TMEM178B: variants seen among roughly 807,000 people sequenced by gnomAD.
TMEM178B encodes the protein transmembrane protein 178B.
TMEM178B carries 5 observed loss-of-function variants against 31.0 expected under a neutral mutation model. That is an observed-to-expected ratio of 0.16 (90% CI 0.08 to 0.34). TMEM178B has a LOEUF of 0.34. TMEM178B is among the 10% of genes least tolerant of loss of function. TMEM178B has a pLI of 1.00. For synonymous variants in TMEM178B, 164 were observed against 164.0 expected (o/e 1.00, Z 0.00); for missense variants, 275 against 400.3 (o/e 0.69, Z 2.67).
chr7:141,135,974 G>A (rs1433529293), intron 1 of TMEM178B, among the ~76,000 whole-genome samples: 1 of 151,528 alleles, frequency 6.6e-6, no homozygotes, highest in Admixed American at 6.6e-5. Flanking sequence ...GACTAACCAA[G>A]GAAAAGGAAG....
chr7:141,268,309 A>T (rs1013957749), intron 2 of TMEM178B, among the ~76,000 whole-genome samples: 6 of 152,236 alleles, frequency 3.9e-5, no homozygotes, highest in African/African-American at 1.4e-4. Flanking sequence ...AGAATAGTGA[A>T]ATCATTGATG....
chr7:141,120,387 T>C (rs1233801161), intron 1 of TMEM178B, among the ~76,000 whole-genome samples: 52 of 152,236 alleles, frequency 3.4e-4, no homozygotes, highest in Admixed American at 3.4e-3. Flanking sequence ...ATGCTTTTAG[T>C]AACATAATGC....
At chr7:141,169,809 T>C (rs371652769) in intron 1 of TMEM178B, among the ~76,000 whole-genome samples, 1 of 152,352 alleles carries the variant, frequency 6.6e-6, no homozygotes, top group East Asian at 1.9e-4. Context: ...TATATGCCAA[T>C]AATGTTTAGC....
At chr7:141,102,750 G>A (rs1200859831) in intron 1 of TMEM178B, among the ~76,000 whole-genome samples, 1 of 152,152 alleles carries the variant, frequency 6.6e-6, no homozygotes, top group Non-Finnish European at 1.5e-5. Flanking sequence ...CAGCTCTGTG[G>A]CTAGGTTAAT....
chr7:141,382,487 G>C (rs1189325429), intron 2 of TMEM178B, among the ~76,000 whole-genome samples: 1 of 152,172 alleles, frequency 6.6e-6, no homozygotes, highest in East Asian at 1.9e-4. Context: ...TGCACTGACT[G>C]AAACACTCAT....
chr7:141,292,852 G>A (rs1262586375), intron 2 of TMEM178B, among the ~76,000 whole-genome samples: 4 of 151,916 alleles, frequency 2.6e-5, no homozygotes, highest in Non-Finnish European at 2.9e-5. Flanking sequence ...TGGCCAGGCT[G>A]GTCTCAAACT....
At position 141,265,714 on chromosome 7, in the gene TMEM178B, T is replaced by A. The variant is rs375188823; in HGVS notation, c.496+53010T>A. ...AAGAACAAAGAAGCAGAATCAGCTT[T>A]TCCACCACCAGGTACATTTTCAAAA... On this transcript the variant is annotated intron_variant, in intron 2 of 3. Transcript: ENST00000565468. Among the ~76,000 whole-genome samples the A allele has an allele frequency of 3.3e-5, 5 of 152,286 alleles. No homozygotes were observed. The East Asian group carries it at 9.6e-4, about 29-fold the overall frequency.
intron 1 of TMEM178B, 63 bp from the exon 2 acceptor site, chr7:141,212,528 C>T: frequency 7.3e-7 from 1 of 1,378,376 alleles, no homozygotes; most frequent in Non-Finnish European, 1.0e-6. Flanking sequence ...AAATTAATCC[C>T]AGAACTAGTC....
At position 141,281,770 on chromosome 7, in the gene TMEM178B, G is replaced by A. The variant is rs146020205; in HGVS notation, c.496+69066G>A. On this transcript the variant is annotated intron_variant, in intron 2 of 3. Coordinates refer to ENST00000565468, the MANE Select transcript of TMEM178B (RefSeq NM_001195278.2). ...TTTCAGCAGAGGGAACAGCATGTGT[G>A]CAAAGGGAGGGACACGACATTGTGG... Among the ~76,000 whole-genome samples the A allele has an allele frequency of 3.2e-4, 48 of 152,334 alleles. No homozygotes were observed. In the East Asian group the frequency reaches 8.9e-3, roughly 28 times the overall value.
chr7:141,411,205 C>T (rs779775871), intron 2 of TMEM178B, among the ~76,000 whole-genome samples: 19 of 150,830 alleles, frequency 1.3e-4, no homozygotes, highest in Non-Finnish European at 2.1e-4. Flanking sequence ...CCATTTTACT[C>T]GAATAAAATA....
At chr7:141,338,152 A>T (rs1359635766) in intron 2 of TMEM178B, among the ~76,000 whole-genome samples, 1 of 152,318 alleles carries the variant, frequency 6.6e-6, no homozygotes, top group East Asian at 1.9e-4. Flanking sequence ...GATATTTTTT[A>T]AAGCGAAGTT....
chr7:141,397,915 A>G lies in TMEM178B; in HGVS notation c.497-39693A>G, dbSNP rs1800686612. ...GTTATCGGGCAAATGGGGACTCAGA[A>G]GAGAGCTAGAGCTGTGATATTGGCC... On this transcript the variant is annotated intron_variant, in intron 2 of 3. Coordinates refer to ENST00000565468, the MANE Select transcript of TMEM178B (RefSeq NM_001195278.2). Among the ~76,000 whole-genome samples, 6 of 152,316 alleles carry G rather than the reference A, an allele frequency of 3.9e-5. No individual in the cohort carries two copies. The South Asian group carries it at 1.2e-3, about 32-fold the overall frequency.
rs114377356 is a variant in TMEM178B, at chr7:141,248,936, C to T, written c.496+36232C>T. The stretch of plus-strand genomic sequence containing the variant: ...TCTTTGTTGATGGATACACTTTAGC[C>T]GGTGTATGGACTATATTTTGTTGCG... On this transcript the variant is annotated intron_variant, in intron 2 of 3. Coordinates refer to ENST00000565468, the MANE Select transcript of TMEM178B (RefSeq NM_001195278.2). Among the ~76,000 whole-genome samples the T allele has an allele frequency of 5.8e-3, 888 of 152,302 alleles. 10 individuals are homozygous for T. The highest frequency in any genetic ancestry group is 0.018 in the African/African-American group (763 of 41,568).
intron 1 of TMEM178B, among the ~76,000 whole-genome samples, chr7:141,081,636 CA>C (rs1314330718): frequency 8.0e-6 from 1 of 125,124 alleles, no homozygotes. Flanking sequence ...AACTCCATCT[CA>C]AAAAAAAGAA....
intron 2 of TMEM178B, among the ~76,000 whole-genome samples, chr7:141,338,746 T>C (rs1296184912): frequency 2.0e-5 from 3 of 152,210 alleles, no homozygotes; most frequent in African/African-American, 4.8e-5. Flanking sequence ...GGGTGGGGTA[T>C]GCAGAGGGTA....
intron 2 of TMEM178B, among the ~76,000 whole-genome samples, chr7:141,360,786 G>A (rs1207149424): frequency 6.6e-6 from 1 of 152,110 alleles, no homozygotes; most frequent in African/African-American, 2.4e-5. Flanking sequence ...TTTCCATCTG[G>A]GATTTAGGTT....
chr7:141,175,731 A>G (rs1796422940), intron 1 of TMEM178B, among the ~76,000 whole-genome samples: 1 of 152,132 alleles, frequency 6.6e-6, no homozygotes, highest in Non-Finnish European at 1.5e-5. Context: ...GCAGTTGTGA[A>G]TGGGAGTTCA....
At chr7:141,180,893 C>A (rs780984076) in intron 1 of TMEM178B, among the ~76,000 whole-genome samples, 1 of 152,154 alleles carries the variant, frequency 6.6e-6, no homozygotes, top group Admixed American at 6.5e-5. Context: ...TTTTATTGTG[C>A]CCTGTCCTCT....
rs59979403 is a variant in TMEM178B, at chr7:141,458,839, T to A, written c.635-11697T>A. ...CCAAGGTGTCCATTGAAACACAAGG[T>A]GTGTACGTGCATGGGTGCATGCACC... is the stretch of plus-strand genomic sequence containing the variant. On this transcript the variant is annotated intron_variant, in intron 3 of 3. Coordinates refer to ENST00000565468, the MANE Select transcript of TMEM178B (RefSeq NM_001195278.2). Among the ~76,000 whole-genome samples, 1,320 of 152,262 alleles carry A rather than the reference T, an allele frequency of 8.7e-3. 14 individuals carry two copies. The highest frequency in any genetic ancestry group is 0.029 in the African/African-American group (1,208 of 41,534).
Sources: allele counts gnomAD v4.1 joint callset (sites outside exome capture counted in the v4.1 genomes callset), GRCh38; gene constraint gnomAD v4.1.1; transcripts MANE v1.5; gene names NCBI Gene and HGNC (gene_info 2026-07-23, HGNC 2026-07-21).